Variants in NCOA2 observed in about 807,000 individuals in gnomAD.
NCOA2 encodes the protein class E basic helix-loop-helix protein 75.
In NCOA2, 21 loss-of-function variants were observed where a neutral mutation model predicts 145.1. The ratio of observed to expected loss-of-function variants is 0.14; its 90% confidence interval spans 0.10 to 0.21. NCOA2 has a LOEUF of 0.21. Ranked by LOEUF, NCOA2 falls within the 10% of genes least tolerant of loss-of-function variation. NCOA2 has a pLI of 1.00. For synonymous variants in NCOA2, 619 were observed against 637.5 expected (o/e 0.97, Z 0.44); for missense variants, 1,472 against 1,837.6 (o/e 0.80, Z 3.64).
the NCOA2 span, among the ~76,000 whole-genome samples, chr8:70,413,058 ACTGTGCTCCAGC>A: frequency 1.3e-5 from 2 of 150,074 alleles, no homozygotes; most frequent in Admixed American, 1.3e-4. Flanking sequence ...TGATGGTGCC[ACTGTGCTCCAGC>A]CTGGGCGACA....
intron 2 of NCOA2, among the ~76,000 whole-genome samples, chr8:70,270,721 A>G (rs1414853438): frequency 6.6e-6 from 1 of 152,234 alleles, no homozygotes; most frequent in Non-Finnish European, 1.5e-5. Flanking sequence ...AACAATAACA[A>G]CAACCAGATT....
intron 2 of NCOA2, among the ~76,000 whole-genome samples, chr8:70,264,584 T>G (rs1413119598): frequency 3.3e-5 from 5 of 152,198 alleles, no homozygotes; most frequent in Non-Finnish European, 7.3e-5. Flanking sequence ...TTGAAAATAT[T>G]TAATGAAGCT....
At chr8:70,443,145 G>A in the NCOA2 span, among the ~76,000 whole-genome samples, 3 of 152,228 alleles carry the variant, frequency 2.0e-5, no homozygotes, top group South Asian at 4.1e-4. Context: ...TGATAGGCTC[G>A]CTTGAGGCCA....
intron 1 of NCOA2, among the ~76,000 whole-genome samples, chr8:70,322,368 G>A (rs1449165678): frequency 6.6e-6 from 1 of 151,994 alleles, no homozygotes; most frequent in East Asian, 1.9e-4. Flanking sequence ...AAATAGTTGT[G>A]GTTGCTGTAA....
intron 13 of NCOA2, among the ~76,000 whole-genome samples, chr8:70,142,953 T>C (rs900944576): frequency 1.3e-5 from 2 of 151,136 alleles, no homozygotes; most frequent in Non-Finnish European, 2.9e-5. Context: ...TTGTTTTTTT[T>C]GTTTTTTTTT....
At chr8:70,140,544 A>T (rs1810275413) in intron 14 of NCOA2, among the ~76,000 whole-genome samples, 1 of 144,884 alleles carries the variant, frequency 6.9e-6, no homozygotes, top group South Asian at 2.2e-4. Context: ...AGTTCCTGAT[A>T]TTGTTCTGAT....
Position 70,357,818 on chromosome 8 carries a change from A to G in NCOA2, c.-77+45882T>C, listed in dbSNP as rs1809859980. Among the ~76,000 whole-genome samples the G allele has an allele frequency of 2.0e-5, 3 of 152,144 alleles. 1 individual carries two copies. ...GTAATGTGAGCACTTTGGGAGGCCAAGGCGAGTGGATCACCCGAAGTCAGG... is the reference window on the plus strand; with the variant it reads ...GTAATGTGAGCACTTTGGGAGGCCAGGGCGAGTGGATCACCCGAAGTCAGG... On this transcript the variant is annotated intron_variant, in intron 1 of 22. Coordinates refer to ENST00000452400, the MANE Select transcript of NCOA2 (RefSeq NM_006540.4).
chr8:70,212,004 G>A lies in NCOA2; in HGVS notation c.259+1899C>T, dbSNP rs146027671. 3.9e-3 allele frequency among the ~76,000 whole-genome samples: 583 copies of A among 151,348 alleles called. 4 individuals are homozygous for A. Among genetic ancestry groups the A allele is most frequent in the African/African-American group, 0.014 (561 of 41,164 alleles). On this transcript the variant is annotated intron_variant, in intron 4 of 22. Transcript: ENST00000452400. ...CACATCTGAACATGTTTTATGGTTT[G>A]AAGGGGGAATTACCAAGGTTTTGCA...
chr8:70,126,816 A>C lies in NCOA2; in HGVS notation c.3913T>G (p.Tyr1305Asp). ...GGTGGGGATCTAAGTCCAGTACCGT[A>C]GTTTGGAGGAAATGGAAACTGCTGT... Reference protein sequence around the residue: ...NAQQFPFPPNYGISQQPDPGF... With the variant: ...NAQQFPFPPNDGISQQPDPGF... The change falls in exon 19 of 23, where the codon TAC (tyrosine) becomes GAC (aspartate). Residue 1305 changes from tyrosine (Y) to aspartate (D), a missense_variant. Transcript: ENST00000452400. The C allele has an allele frequency of 6.2e-7, 1 of 1,613,480 alleles. No homozygotes were observed. Among genetic ancestry groups the C allele is most frequent in the Non-Finnish European group, 8.5e-7 (1 of 1,179,520 alleles).
chr8:70,405,886 C>T (rs1295728794), upstream of NCOA2, among the ~76,000 whole-genome samples: 1 of 152,088 alleles, frequency 6.6e-6, no homozygotes, highest in Non-Finnish European at 1.5e-5. Flanking sequence ...CTTTTTCTTA[C>T]AAGAAATAAA....
intron 1 of NCOA2, among the ~76,000 whole-genome samples, chr8:70,301,655 CAAAAAAAAAAAAA>C (rs71275063): frequency 2.5e-4 from 15 of 60,142 alleles, no homozygotes; most frequent in African/African-American, 7.7e-4. Flanking sequence ...GACCCTTTCT[CAAAAAAAAAAAAA>C]AAAAAAAAAA....
At chr8:70,134,449 C>G (rs955569450) in intron 15 of NCOA2, among the ~76,000 whole-genome samples, 79 of 152,304 alleles carry the variant, frequency 5.2e-4, no homozygotes, top group African/African-American at 1.6e-3. Flanking sequence ...AAAGGATTTT[C>G]TTTACCTAGA....
In NCOA2 at chr8:70,156,662, T is replaced by C; in HGVS notation, c.1703A>G (p.Asn568Ser). 1.9e-6 allele frequency: 3 copies of C among 1,613,974 alleles called. No individual in the cohort carries two copies. The highest frequency in any genetic ancestry group is 2.5e-6 in the Non-Finnish European group (3 of 1,179,872). ...CTTGCTGAGTGGGGGAGGATTCATA[T>C]TAACTGGGGAGTTTTGCAAATTGCC... ...KMGNLQNSPV[N>S]MNPPPLSKMG... Residue 568 changes from asparagine to serine, a missense_variant, in exon 11 of 23, where the codon AAT becomes AGT. Physicochemically the swap from Asn to Ser is conservative, Grantham distance 46. This residue lies in a region of NCOA2 where 953 missense variants were observed against 1,062.1 expected (regional missense o/e 0.90). Coordinates refer to ENST00000452400, the MANE Select transcript of NCOA2 (RefSeq NM_006540.4).
intron 4 of NCOA2, among the ~76,000 whole-genome samples, chr8:70,198,872 A>G (rs1030931222): frequency 2.0e-5 from 3 of 152,124 alleles, no homozygotes; most frequent in Admixed American, 1.3e-4. Context: ...GAGAGTATCA[A>G]TTTAAGGCAC....
intron 13 of NCOA2, among the ~76,000 whole-genome samples, chr8:70,144,077 A>G (rs768277904): frequency 5.9e-5 from 9 of 152,240 alleles, no homozygotes; most frequent in Non-Finnish European, 1.0e-4. Flanking sequence ...ACCTGCAATT[A>G]TAGCAGGTCA....
intron 1 of NCOA2, among the ~76,000 whole-genome samples, chr8:70,363,801 T>C (rs892674080): frequency 6.6e-6 from 1 of 152,152 alleles, no homozygotes; most frequent in Non-Finnish European, 1.5e-5. Context: ...CTTGTCTACA[T>C]ACATCAGCCA....
chr8:70,143,145 T>C (rs1015118592), intron 13 of NCOA2, among the ~76,000 whole-genome samples: 2 of 152,180 alleles, frequency 1.3e-5, no homozygotes, highest in Admixed American at 1.3e-4. Flanking sequence ...AGATGAGGTT[T>C]CACCATGTTG....
At chr8:70,288,918 A>T (rs1254203546) in intron 2 of NCOA2, among the ~76,000 whole-genome samples, 1 of 152,172 alleles carries the variant, frequency 6.6e-6, no homozygotes, top group East Asian at 1.9e-4. Flanking sequence ...TTAGAGAAAA[A>T]ATTTAACTGT....
At chr8:70,447,578 C>T in the NCOA2 span, among the ~76,000 whole-genome samples, 31 of 151,344 alleles carry the variant, frequency 2.0e-4, no homozygotes, top group African/African-American at 7.0e-4. Flanking sequence ...TTCTTTGAGA[C>T]AAGTTTTTTT....
Sources: gnomAD v4.1 joint callset for allele counts (sites outside exome capture counted in the v4.1 genomes callset) on GRCh38, gnomAD v4.1.1 for gene constraint, gnomAD v4.1.1 regional missense constraint, MANE v1.5 for transcripts, NCBI Gene and HGNC (gene_info 2026-07-23, HGNC 2026-07-21) for gene names.